The following POLR1B variants were observed in gnomAD, a reference collection of about 807,000 sequenced individuals.
The protein encoded by POLR1B is DNA-directed RNA polymerase I subunit RPA2.
In POLR1B, 30 loss-of-function variants were observed where a neutral mutation model predicts 105.8. That is an observed-to-expected ratio of 0.28 (90% CI 0.21 to 0.38). The LOEUF is 0.38. Among genes scored for constraint, POLR1B ranks in the 10% least tolerant of loss-of-function variants. The pLI is 1.00. For synonymous variants in POLR1B, 485 were observed against 505.1 expected (o/e 0.96, Z 0.53); for missense variants, 976 against 1,435.8 (o/e 0.68, Z 5.17).
chr2:112,552,585 A>G, intron 6 of POLR1B, 60 bp from the exon 7 acceptor site: 1 of 1,425,510 alleles, frequency 7.0e-7, no homozygotes, highest in South Asian at 1.4e-5. Flanking sequence ...GGTTAATAGA[A>G]TATTAAGTAG....
At position 112,547,074 on chromosome 2, in the gene POLR1B, T is replaced by C. The variant is rs1485758815; in HGVS notation, c.240T>C (p.Ala80=). 2 of 1,614,220 alleles carry C rather than the reference T, an allele frequency of 1.2e-6. No homozygotes were observed. Residue 80 remains alanine, a synonymous_variant, in exon 2 of 15, where the codon GCT becomes GCC. Coordinates refer to ENST00000263331, the MANE Select transcript of POLR1B (RefSeq NM_019014.6). Reference sequence around the variant, plus strand: ...GTATCTCTTTTACTATTCTGGATGCTGTTATCAGTCCACCTACAGTTCCAA... The same window carrying C: ...GTATCTCTTTTACTATTCTGGATGCCGTTATCAGTCCACCTACAGTTCCAA... The part of the protein sequence containing the change: ...DERISFTILD[A]VISPPTVPKG...
rs144775729 is a variant in POLR1B, at chr2:112,572,723, A to G, written c.2236A>G (p.Ile746Val). The G allele has an allele frequency of 1.9e-6, 3 of 1,610,414 alleles. No individual in the cohort carries two copies. The highest frequency in any genetic ancestry group is 4.5e-5 in the East Asian group (2 of 44,794). The change falls in exon 13 of 15, where the codon ATT (isoleucine) becomes GTT (valine). Residue 746 changes from isoleucine to valine, a missense_variant. Physicochemically the swap from Ile to Val is conservative, Grantham distance 29. This residue lies in a region of POLR1B where 46 missense variants were observed against 66.8 expected (regional missense o/e 0.69). Transcript: ENST00000263331. The stretch of plus-strand genomic sequence containing the variant: ...TGGGACCAATGCCATCGTTGCTGTG[A>G]TTTCTTACACTGGCTATGATATGGA... ...PIGTNAIVAVISYTGYDMEDA... is the reference protein window; with the variant it reads ...PIGTNAIVAVVSYTGYDMEDA...
Position 112,572,763 on chromosome 2 carries a change from G to A in POLR1B, c.2271+5G>A, listed in dbSNP as rs750225872. On this transcript the variant is annotated splice_donor_5th_base_variant and intron_variant, in intron 13 of 14. Transcript: ENST00000263331. ...TATGATATGGAAGATGCCATGGTAAGTTTTACCAGGAAATGTTGTTCCAAT... is the reference window on the plus strand; with the variant it reads ...TATGATATGGAAGATGCCATGGTAAATTTTACCAGGAAATGTTGTTCCAAT... The A allele has an allele frequency of 8.3e-6, 13 of 1,562,514 alleles. No homozygotes were observed. Among genetic ancestry groups the A allele is most frequent in the Non-Finnish European group, 1.1e-5 (13 of 1,150,940 alleles).
intron 7 of POLR1B, among the ~76,000 whole-genome samples, chr2:112,556,775 C>T (rs1156603003): frequency 6.6e-6 from 1 of 152,166 alleles, no homozygotes. Flanking sequence ...TTCTGAACCA[C>T]CCATAGAAAG....
chr2:112,563,257 G>A (rs929582361), intron 9 of POLR1B, among the ~76,000 whole-genome samples: 2 of 151,240 alleles, frequency 1.3e-5, no homozygotes, highest in Admixed American at 6.6e-5. Context: ...GGGTTTCACC[G>A]TGTTAGCCAG....
Position 112,575,686 on chromosome 2 carries a change from A to C in POLR1B, c.3365A>C (p.Glu1122Ala). The C allele has an allele frequency of 6.2e-7, 1 of 1,613,766 alleles. No individual in the cohort carries two copies. Among genetic ancestry groups the C allele is most frequent in the Non-Finnish European group, 8.5e-7 (1 of 1,179,900 alleles). ...VPYVFRYFVA[E>A]LAAMNIKVKL... Reference sequence around the variant, plus strand: ...TATGTTTTTCGGTATTTTGTAGCTGAACTGGCAGCTATGAACATCAAAGTG... The same window carrying C: ...TATGTTTTTCGGTATTTTGTAGCTGCACTGGCAGCTATGAACATCAAAGTG... Residue 1122 changes from glutamate (E) to alanine (A), a missense_variant, in exon 15 of 15, where the codon GAA becomes GCA. Glu to Ala is a moderately radical substitution (Grantham distance 107, BLOSUM62 -1). This residue lies in a region of POLR1B where 77 missense variants were observed against 104.5 expected (regional missense o/e 0.74). Coordinates refer to ENST00000263331, the MANE Select transcript of POLR1B (RefSeq NM_019014.6). The surrounding 1 kb of genome is among the most constrained non-coding windows in gnomAD (Gnocchi z 5.3).
At chr2:112,552,543 TTAAAG>T in intron 6 of POLR1B, 97 bp from the exon 7 acceptor site, 1 of 1,229,048 alleles carries the variant, frequency 8.1e-7, no homozygotes, top group Non-Finnish European at 1.1e-6. Context: ...TTTTATTTAA[TTAAAG>T]TTAAGTAAGC....
chr2:112,551,623 A>G (rs945684250), intron 5 of POLR1B, 152 bp from the exon 6 acceptor site: 34 of 663,918 alleles, frequency 5.1e-5, no homozygotes, highest in Non-Finnish European at 7.5e-5. Flanking sequence ...CATACAAAGA[A>G]TGCTTTATTT....
At chr2:112,565,886 T>C (rs1367713574) in intron 10 of POLR1B, among the ~76,000 whole-genome samples, 3 of 152,192 alleles carry the variant, frequency 2.0e-5, no homozygotes, top group African/African-American at 7.2e-5. Context: ...GCTTGGTCTT[T>C]CTGGTGACCA....
Position 112,575,124 on chromosome 2 carries a change from G to A in POLR1B, c.2803G>A (p.Gly935Arg), listed in dbSNP as rs763181315. 3 of 1,613,936 alleles carry A rather than the reference G, an allele frequency of 1.9e-6. No individual in the cohort carries two copies. Among genetic ancestry groups the A allele is most frequent in the African/African-American group, 1.3e-5 (1 of 74,882 alleles). ...TGGGATGTTAATTGAGAGTATGGCC[G>A]GGAAGTCTGCAGCTTTGCATGGTCT... ...TIGMLIESMA[G>R]KSAALHGLCH... is the part of the protein sequence containing the mutation. Residue 935 changes from glycine to arginine, a missense_variant, in exon 15 of 15, where the codon GGG becomes AGG. Gly to Arg is a moderately radical substitution (Grantham distance 125). Coordinates refer to ENST00000263331, the MANE Select transcript of POLR1B (RefSeq NM_019014.6). This position sits in a 1 kb window ranked among gnomAD's most constrained non-coding sequence, Gnocchi z 5.3.
chr2:112,552,591 A>G (rs1683426657), intron 6 of POLR1B, 54 bp from the exon 7 acceptor site: 1 of 1,443,914 alleles, frequency 6.9e-7, no homozygotes, highest in South Asian at 1.4e-5. Context: ...TAGAATATTA[A>G]GTAGTATTAC....
chr2:112,552,967 G>A (rs2104524440), intron 7 of POLR1B, 151 bp downstream of exon 7: 10 of 675,574 alleles, frequency 1.5e-5, no homozygotes, highest in Non-Finnish European at 2.2e-5. Flanking sequence ...GCAGTAAGGG[G>A]ATCAGAAATC....
chr2:112,548,899 A>G (rs1683210831), intron 3 of POLR1B, among the ~76,000 whole-genome samples: 1 of 152,082 alleles, frequency 6.6e-6, no homozygotes, highest in Non-Finnish European at 1.5e-5. Flanking sequence ...GGCGTGAGCC[A>G]CCGCGCCCGG....
chr2:112,546,108 G>C (rs1378340982), intron 1 of POLR1B, among the ~76,000 whole-genome samples: 1 of 152,096 alleles, frequency 6.6e-6, no homozygotes, highest in Non-Finnish European at 1.5e-5. Flanking sequence ...AAGTCTAGGA[G>C]GTTGCTTGTA....
chr2:112,570,906 G>A (rs1291943947), intron 12 of POLR1B, among the ~76,000 whole-genome samples: 5 of 151,552 alleles, frequency 3.3e-5, no homozygotes, highest in Non-Finnish European at 7.4e-5. Flanking sequence ...TACCTCCTGA[G>A]TAGCTGAGAT....
At chr2:112,564,685 GT>G (rs1684187100) in intron 10 of POLR1B, among the ~76,000 whole-genome samples, 186 bp downstream of exon 10, 1 of 152,206 alleles carries the variant, frequency 6.6e-6, no homozygotes, top group South Asian at 2.1e-4. Flanking sequence ...ATTGGTTGGG[GT>G]CAGTGACAGA....
In POLR1B at chr2:112,559,457, C is replaced by T. The variant is rs763303742; in HGVS notation, c.1495C>T (p.Pro499Ser). The T allele has an allele frequency of 7.4e-6, 12 of 1,614,110 alleles. No homozygotes were observed. The highest frequency in any genetic ancestry group is 1.0e-5 in the Non-Finnish European group (12 of 1,180,048). The change falls in exon 9 of 15, where the codon CCC becomes TCC. Residue 499 changes from proline (P) to serine (S), a missense_variant. Pro to Ser is a moderately conservative substitution (Grantham distance 74). Transcript: ENST00000263331. ...GCCAGAGTCCTGGGGCTTCCTTTGT[C>T]CCGTGCATACCCCAGACGGGGAGCC... ...LLPESWGFLC[P>S]VHTPDGEPCG...
Position 112,568,146 on chromosome 2 carries a change from A to C in POLR1B, c.1917+9A>C, listed in dbSNP as rs375488852. On this transcript the variant is annotated intron_variant, in intron 11 of 14. Coordinates refer to ENST00000263331, the MANE Select transcript of POLR1B (RefSeq NM_019014.6). ...TTGGAACTATGGAACAGGTAAATAC[A>C]TATGTGTGATGGATGAGTGTATGTG... 110 of 1,608,042 alleles carry C rather than the reference A, an allele frequency of 6.8e-5. 1 individual carries two copies. The South Asian group carries it at 1.1e-3, about 17-fold the overall frequency.
intron 2 of POLR1B, 27 bp from the exon 3 acceptor site, chr2:112,547,394 G>C (rs774174114): frequency 6.2e-7 from 1 of 1,604,274 alleles, no homozygotes; most frequent in Non-Finnish European, 8.5e-7. Flanking sequence ...TTTCTGTTAA[G>C]TAACTTTTTC....
Sources: allele counts gnomAD v4.1 joint callset (sites outside exome capture counted in the v4.1 genomes callset), GRCh38; gene constraint gnomAD v4.1.1; regional missense constraint gnomAD v4.1.1; non-coding constraint Gnocchi (gnomAD v3.1); transcripts MANE v1.5; gene names NCBI Gene and HGNC (gene_info 2026-07-23, HGNC 2026-07-21).